The following LRRC43 variants were observed in gnomAD, a reference collection of about 807,000 sequenced individuals.
The protein encoded by LRRC43 is leucine rich repeat containing 43.
A neutral mutation model predicts 64.3 loss-of-function variants in LRRC43; 62 were observed. The ratio of observed to expected loss-of-function variants is 0.96; its 90% CI spans 0.79 to 1.19. The LOEUF is 1.19. Among genes scored for constraint, LRRC43 ranks in the 50% most tolerant of loss-of-function variants. The pLI is 0.00. For missense variants in LRRC43, 868 were observed against 845.0 expected (o/e 1.03, Z -0.34); for synonymous variants, 422 against 382.3 (o/e 1.10, Z -1.21).
At chr12:122,172,466 G>A (rs1398497604) in intron 1 of LRRC43, 1 of 1,614,148 alleles carries the variant, frequency 6.2e-7, no homozygotes, top group Non-Finnish European at 8.5e-7. Flanking sequence ...CGAGGTCCAT[G>A]CACTCTGAAA....
At chr12:122,193,806 C>G (rs1208644183) in intron 7 of LRRC43, among the ~76,000 whole-genome samples, 1 of 152,158 alleles carries the variant, frequency 6.6e-6, no homozygotes, top group South Asian at 2.1e-4. Context: ...GTGATCTGCC[C>G]GCCTCAGCCT....
At chr12:122,197,454 C>T (rs1484031451) in intron 7 of LRRC43, among the ~76,000 whole-genome samples, 1 of 152,058 alleles carries the variant, frequency 6.6e-6, no homozygotes, top group African/African-American at 2.4e-5. Context: ...TGTGAGCCAC[C>T]GCGCCTGGCC....
chr12:122,201,344 T>C lies in LRRC43; in HGVS notation c.1843+15T>C. On this transcript the variant is annotated intron_variant, in intron 11 of 11. Coordinates refer to ENST00000339777, the MANE Select transcript of LRRC43 (RefSeq NM_001098519.2). ...TGCCAAAAAAGGTGAGTGCCGATGG[T>C]GGTGACCAAAGGCAGGGATTGTCAG... 6.2e-7 allele frequency: 1 copy of C among 1,613,678 alleles called. No homozygotes were observed. Among genetic ancestry groups the C allele is most frequent in the East Asian group, 2.2e-5 (1 of 44,878 alleles).
chr12:122,191,356 T>A (rs1377106745), intron 5 of LRRC43, 24 bp from the exon 6 acceptor site: 3 of 1,589,276 alleles, frequency 1.9e-6, no homozygotes, highest in Non-Finnish European at 2.6e-6. Context: ...TGGGCCCCCC[T>A]GTCCTGCCCA....
At chr12:122,203,257 C>T (rs550949572) in intron 11 of LRRC43, 58 bp from the exon 12 acceptor site, 231 of 1,585,940 alleles carry the variant, frequency 1.5e-4, no homozygotes, top group Middle Eastern at 3.3e-4. Context: ...GTCAGGGCGG[C>T]CGAGAACGCC....
Position 122,190,242 on chromosome 12 carries a change from C to T in LRRC43, c.775C>T (p.Pro259Ser). 3 of 1,614,178 alleles carry T rather than the reference C, an allele frequency of 1.9e-6. No individual in the cohort carries two copies. Among genetic ancestry groups the T allele is most frequent in the Non-Finnish European group, 2.5e-6 (3 of 1,180,036 alleles). Residue 259 changes from proline to serine, a missense_variant, in exon 5 of 12, where the codon CCA (proline) becomes TCA (serine). Pro to Ser is a moderately conservative substitution (Grantham distance 74). Coordinates refer to ENST00000339777, the MANE Select transcript of LRRC43 (RefSeq NM_001098519.2). ...GCGACTCCTGGTGCTGCAGGGAAAC[C>T]CACTGGCCTTGGTGCCCTACTACCG... ...HLRLLVLQGN[P>S]LALVPYYRGL...
upstream of LRRC43, chr12:122,183,119 G>T (rs1354577198): frequency 2.6e-6 from 4 of 1,529,528 alleles, no homozygotes; most frequent in Admixed American, 2.0e-5. Context: ...GCGTCCTAGC[G>T]GTTGCCGGGC....
intron 10 of LRRC43, 115 bp downstream of exon 10, chr12:122,201,049 G>A (rs1377638933): frequency 7.5e-7 from 1 of 1,326,690 alleles, no homozygotes; most frequent in Non-Finnish European, 1.0e-6. Flanking sequence ...AGGTGGTGGG[G>A]AGGGCCTTTC....
At chr12:122,172,562 T>C in intron 1 of LRRC43, 1 of 1,614,204 alleles carries the variant, frequency 6.2e-7, no homozygotes, top group South Asian at 1.1e-5. Flanking sequence ...CATCTTGAAA[T>C]ATGAGTTTGT....
intron 1 of LRRC43, chr12:122,173,836 A>G (rs6489173): frequency 1 from 1,612,082 of 1,612,220 alleles, 805,972 homozygotes; most frequent in East Asian, 1. Flanking sequence ...AATCTCTAGG[A>G]CACTCACATC....
At chr12:122,173,911 C>A (rs756327888) in intron 1 of LRRC43, 3 of 1,614,048 alleles carry the variant, frequency 1.9e-6, no homozygotes, top group South Asian at 1.1e-5. Context: ...ATCACTTGGT[C>A]GTAGTAAACG....
chr12:122,186,395 A>G (rs1593145854), intron 3 of LRRC43, 95 bp downstream of exon 3: 1 of 754,914 alleles, frequency 1.3e-6, no homozygotes, highest in Admixed American at 2.4e-5. Context: ...GCATGGGTGG[A>G]GGGTAAGGCC....
Position 122,183,155 on chromosome 12 carries a change from C to T in LRRC43, c.11C>T (p.Ser4Leu). Residue 4 changes from serine (S) to leucine (L), a missense_variant, in exon 1 of 12, where the codon TCG (serine) becomes TTG (leucine). Physicochemically the swap from Ser to Leu is moderately radical, Grantham distance 145. Coordinates refer to ENST00000339777, the MANE Select transcript of LRRC43 (RefSeq NM_001098519.2). ...AACGCGGCCCGGGCCATGGAGGCGT[C>T]GTACGAGTCCGAGTCCGAGTCCGAG... MEA[S>L]YESESESESE... 1 of 1,546,090 alleles carries T rather than the reference C, an allele frequency of 6.5e-7. No homozygotes were observed. Among genetic ancestry groups the T allele is most frequent in the Non-Finnish European group, 8.7e-7 (1 of 1,152,630 alleles).
chr12:122,172,574 G>A (rs150030730), intron 1 of LRRC43: 119 of 1,614,008 alleles, frequency 7.4e-5, no homozygotes, highest in Non-Finnish European at 9.4e-5. Context: ...TGAGTTTGTC[G>A]AGGTGCTCTA....
rs751221471 is a variant in LRRC43, at chr12:122,172,384, C to T, written c.-406+4602C>T. On this transcript the variant is annotated intron_variant, in intron 1 of 5. Coordinates refer to the LRRC43 transcript ENST00000537729. ...TCATCTTTTTAAGGCTCCTTAAGTT[C>T]CTGCCAATCCGAAAGGAAGAGATGG... The T allele has an allele frequency of 3.1e-5, 48 of 1,540,764 alleles. No homozygotes were observed. The East Asian group carries it at 7.0e-4, about 22-fold the overall frequency.
At chr12:122,203,285 G>C (rs1214770731) in intron 11 of LRRC43, 30 bp from the exon 12 acceptor site, 1 of 1,604,146 alleles carries the variant, frequency 6.2e-7, no homozygotes. Context: ...CCGTCTCCCG[G>C]GGCTCATGCT....
At chr12:122,181,082 G>T (rs1157612618), upstream of LRRC43, among the ~76,000 whole-genome samples, 3 of 151,956 alleles carry the variant, frequency 2.0e-5, no homozygotes, top group Non-Finnish European at 4.4e-5. Context: ...GCCAGGCATG[G>T]TGATGCATGC....
At chr12:122,171,923 A>G (rs1167309423) in intron 1 of LRRC43, 1 of 155,632 alleles carries the variant, frequency 6.4e-6, no homozygotes, top group African/African-American at 2.4e-5. Flanking sequence ...ACAGTGGTAG[A>G]AGCGATACCT....
At chr12:122,183,058 T>C, upstream of LRRC43, 1 of 1,467,366 alleles carries the variant, frequency 6.8e-7, no homozygotes, top group Non-Finnish European at 8.9e-7. Context: ...ATGGGGGACT[T>C]TTCCCTCGGG....
Sources: gnomAD v4.1 joint callset for allele counts (sites outside exome capture counted in the v4.1 genomes callset) on GRCh38, gnomAD v4.1.1 for gene constraint, MANE v1.5 for transcripts, NCBI Gene and HGNC (gene_info 2026-07-23, HGNC 2026-07-21) for gene names.